Variants in NRXN1 observed in about 807,000 individuals in gnomAD.
NRXN1 encodes the protein neurexin 1.
A neutral mutation model predicts 150.9 loss-of-function variants in NRXN1; 39 were observed. That is an observed-to-expected ratio of 0.26 (90% CI 0.20 to 0.34). NRXN1 has a LOEUF of 0.34. Among genes scored for constraint, NRXN1 ranks in the 10% least tolerant of loss-of-function variants. The pLI is 1.00. For missense variants in NRXN1, 1,815 were observed against 1,949.9 expected (o/e 0.93, Z 1.30); for synonymous variants, 924 against 757.0 (o/e 1.22, Z -3.62).
intron 21 of NRXN1, among the ~76,000 whole-genome samples, chr2:50,045,825 G>A (rs1015254785): frequency 8.5e-5 from 13 of 152,082 alleles, no homozygotes; most frequent in South Asian, 4.2e-4. Flanking sequence ...GTCATGTATC[G>A]ACTAGGTACA....
intron 18 of NRXN1, among the ~76,000 whole-genome samples, chr2:50,112,021 T>C (rs1439800643): frequency 1.4e-5 from 2 of 143,542 alleles, no homozygotes; most frequent in South Asian, 2.1e-4. Flanking sequence ...ATTGTCTGAG[T>C]TTTTTTTTTT....
At chr2:50,858,335 G>A (rs1020738153) in intron 5 of NRXN1, among the ~76,000 whole-genome samples, 1 of 152,018 alleles carries the variant, frequency 6.6e-6, no homozygotes, top group Non-Finnish European at 1.5e-5. Flanking sequence ...CTGTTTGGGC[G>A]CAATCATTCT....
intron 22 of NRXN1, among the ~76,000 whole-genome samples, chr2:49,942,020 A>G (rs1248876748): frequency 6.6e-6 from 1 of 152,162 alleles, no homozygotes; most frequent in East Asian, 1.9e-4. Flanking sequence ...TAACTAACAG[A>G]TTAAGCATAC....
At chr2:50,413,484 T>C (rs2104122894) in intron 17 of NRXN1, among the ~76,000 whole-genome samples, 1 of 152,170 alleles carries the variant, frequency 6.6e-6, no homozygotes, top group African/African-American at 2.4e-5. Flanking sequence ...CAATGAGATA[T>C]CATCTCACTC....
At chr2:50,212,382 T>A (rs951937341) in intron 18 of NRXN1, among the ~76,000 whole-genome samples, 5 of 151,442 alleles carry the variant, frequency 3.3e-5, no homozygotes, top group Non-Finnish European at 5.9e-5. Flanking sequence ...AAGTTAGCAT[T>A]CCCTCTTCAC....
In NRXN1 at chr2:50,658,827, T is replaced by C. The variant is rs561081054; in HGVS notation, c.833-35212A>G. 4.3e-4 allele frequency among the ~76,000 whole-genome samples: 66 copies of C among 152,178 alleles called. No individual in the cohort carries two copies. The Middle Eastern group carries it at 0.02, about 47-fold the overall frequency. ...TATGTAGCCCAAGTTTGAAGAACTT[T>C]CTTCTCCCTTTTTAGAGTTGTATAA... is the stretch of plus-strand genomic sequence containing the variant. On this transcript the variant is annotated intron_variant, in intron 5 of 22. Transcript: ENST00000401669.
chr2:50,396,688 A>G (rs189086444), intron 17 of NRXN1, among the ~76,000 whole-genome samples: 205 of 152,274 alleles, frequency 1.3e-3, no homozygotes, highest in African/African-American at 4.6e-3. Flanking sequence ...AAGTATAACC[A>G]TAAAGGGACT....
At chr2:50,373,296 T>TATTATTATG (rs34117952) in intron 17 of NRXN1, among the ~76,000 whole-genome samples, 1 of 140,352 alleles carries the variant, frequency 7.1e-6, no homozygotes, top group Non-Finnish European at 1.5e-5. Context: ...TTTTATTTTT[T>TATTATTATG]ATTATTATTA....
chr2:50,039,213 C>T (rs936980581), intron 21 of NRXN1, among the ~76,000 whole-genome samples: 1 of 151,994 alleles, frequency 6.6e-6, no homozygotes, highest in Admixed American at 6.6e-5. Context: ...AAAGAAACTT[C>T]CCAGCACTTT....
At position 50,303,521 on chromosome 2, in the gene NRXN1, T is replaced by C. The variant is rs1220216421; in HGVS notation, c.3365-66551A>G. Among the ~76,000 whole-genome samples the C allele has an allele frequency of 2.0e-5, 3 of 152,188 alleles. No individual in the cohort carries two copies. In the East Asian group the frequency reaches 5.8e-4, roughly 29 times the overall value. ...TGCATTACTCATGACTTGTGTATCA[T>C]GTCTATATACTTCCACACTTGGTTA... On this transcript the variant is annotated intron_variant, in intron 17 of 22. Transcript: ENST00000401669.
At chr2:50,517,644 T>C (rs964213933) in intron 12 of NRXN1, among the ~76,000 whole-genome samples, 1 of 152,144 alleles carries the variant, frequency 6.6e-6, no homozygotes, top group Non-Finnish European at 1.5e-5. Flanking sequence ...TTCGCTCAGT[T>C]ACATTGAAAA....
At chr2:50,314,615 A>G (rs2075442192) in intron 17 of NRXN1, among the ~76,000 whole-genome samples, 1 of 124,954 alleles carries the variant, frequency 8.0e-6, no homozygotes, top group Admixed American at 7.6e-5. Context: ...CATTTCTAAA[A>G]TGTCATTATT....
intron 19 of NRXN1, among the ~76,000 whole-genome samples, chr2:50,070,099 C>G (rs544120005): frequency 6.6e-6 from 1 of 152,130 alleles, no homozygotes. Context: ...ATCTGCCCGC[C>G]TTGGCCTCCC....
At chr2:50,904,108 G>A (rs998469580) in intron 5 of NRXN1, among the ~76,000 whole-genome samples, 4 of 152,054 alleles carry the variant, frequency 2.6e-5, no homozygotes, top group African/African-American at 7.2e-5. Flanking sequence ...AGAACCCTTA[G>A]GCTCAGTAAG....
intron 21 of NRXN1, among the ~76,000 whole-genome samples, chr2:49,983,487 T>C (rs948256721): frequency 1.3e-5 from 2 of 152,120 alleles, no homozygotes; most frequent in Non-Finnish European, 2.9e-5. Context: ...TTTTATACTT[T>C]TAATATTTAT....
chr2:50,624,979 A>G (rs1680744992), intron 5 of NRXN1: 1 of 152,054 alleles, frequency 6.6e-6, no homozygotes, highest in Non-Finnish European at 1.5e-5. Context: ...TGTGCCAAGA[A>G]AAATGAGACA....
At chr2:50,231,690 TG>T (rs2064957386) in intron 18 of NRXN1, among the ~76,000 whole-genome samples, 1 of 152,128 alleles carries the variant, frequency 6.6e-6, no homozygotes, top group Non-Finnish European at 1.5e-5. Context: ...ACATTTCCTC[TG>T]GTCAGAACCA....
intron 5 of NRXN1, among the ~76,000 whole-genome samples, chr2:50,670,248 G>A (rs1688650914): frequency 6.6e-6 from 1 of 151,498 alleles, no homozygotes; most frequent in South Asian, 2.1e-4. Context: ...CATAAAATCA[G>A]TAAGAAGCTG....
intron 18 of NRXN1, among the ~76,000 whole-genome samples, chr2:50,169,128 T>C (rs993707112): frequency 2.6e-5 from 4 of 152,138 alleles, no homozygotes; most frequent in African/African-American, 9.7e-5. Flanking sequence ...TTAACCATAA[T>C]GTTGGGTGGA....
Sources: gnomAD v4.1 joint callset for allele counts (sites outside exome capture counted in the v4.1 genomes callset) on GRCh38, gnomAD v4.1.1 for gene constraint, MANE v1.5 for transcripts, NCBI Gene and HGNC (gene_info 2026-07-23, HGNC 2026-07-21) for gene names.